The following USP30 variants were observed in gnomAD, a reference collection of about 807,000 sequenced individuals.
The protein encoded by USP30 is ubiquitin carboxyl-terminal hydrolase 30.
A neutral mutation model predicts 68.2 loss-of-function variants in USP30; 41 were observed. The ratio of observed to expected loss-of-function variants is 0.60; its 90% CI spans 0.47 to 0.78. USP30 has a LOEUF of 0.78. Among genes scored for constraint, USP30 ranks in the 30% least tolerant of loss-of-function variants. The pLI is 0.00. For missense variants in USP30, 522 were observed against 649.4 expected (o/e 0.80, Z 2.13); for synonymous variants, 229 against 253.7 (o/e 0.90, Z 0.93).
chr12:109,075,678 C>T (rs1252050046), intron 7 of USP30, among the ~76,000 whole-genome samples: 1 of 152,142 alleles, frequency 6.6e-6, no homozygotes, highest in Admixed American at 6.5e-5. Flanking sequence ...TAATAGCCAT[C>T]CTAACAGGTG....
intron 4 of USP30, among the ~76,000 whole-genome samples, chr12:109,069,853 A>G (rs951765515): frequency 6.6e-5 from 10 of 152,176 alleles, no homozygotes; most frequent in Non-Finnish European, 1.0e-4. Context: ...CCGGAAGTAT[A>G]AAAGAGAGTG....
At chr12:109,060,529 C>T (rs2041029314) in intron 3 of USP30, among the ~76,000 whole-genome samples, 1 of 151,956 alleles carries the variant, frequency 6.6e-6, no homozygotes, top group African/African-American at 2.4e-5. Context: ...TTAGCCCATT[C>T]CTGGTTTAGA....
At chr12:109,029,870 C>T (rs769560279) in intron 3 of USP30, among the ~76,000 whole-genome samples, 6 of 152,046 alleles carry the variant, frequency 3.9e-5, no homozygotes, top group South Asian at 4.1e-4. Flanking sequence ...GAGGGGCAAC[C>T]TTTGATTAAC....
chr12:109,041,839 T>G (rs2040567395), intron 3 of USP30, among the ~76,000 whole-genome samples: 4 of 152,090 alleles, frequency 2.6e-5, no homozygotes, highest in Admixed American at 2.6e-4. Context: ...GAAGTGGGGT[T>G]TTAGGATCCC....
chr12:109,053,852 C>G (rs1444178854), intron 1 of USP30: 4 of 346,494 alleles, frequency 1.2e-5, no homozygotes, highest in Non-Finnish European at 1.7e-5. Context: ...TCTCCCATCC[C>G]CTTGACACTC....
chr12:109,029,453 T>A (rs1422868191), intron 3 of USP30, among the ~76,000 whole-genome samples: 1 of 152,128 alleles, frequency 6.6e-6, no homozygotes, highest in Non-Finnish European at 1.5e-5. Flanking sequence ...TTTCCATACA[T>A]CTCTCTGACA....
At chr12:109,079,926 A>G (rs2041745394) in intron 7 of USP30, among the ~76,000 whole-genome samples, 1 of 152,200 alleles carries the variant, frequency 6.6e-6, no homozygotes, top group Non-Finnish European at 1.5e-5. Flanking sequence ...GCTTAACATC[A>G]TAATAGAGAC....
At chr12:109,073,647 C>A in intron 7 of USP30, 115 bp downstream of exon 7, 1 of 869,092 alleles carries the variant, frequency 1.2e-6, no homozygotes, top group East Asian at 2.6e-5. Context: ...GACTACCTGG[C>A]CTCTGCACAC....
At chr12:109,076,598 C>G in intron 7 of USP30, among the ~76,000 whole-genome samples, 1 of 151,984 alleles carries the variant, frequency 6.6e-6, no homozygotes, top group Non-Finnish European at 1.5e-5. Flanking sequence ...ACAAACTTCC[C>G]TTCTGTTCCT....
intron 7 of USP30, among the ~76,000 whole-genome samples, chr12:109,080,337 A>G (rs1162862551): frequency 6.6e-6 from 1 of 152,146 alleles, no homozygotes; most frequent in Non-Finnish European, 1.5e-5. Context: ...AAACACACAA[A>G]TCTCGCCCAC....
In USP30 at chr12:109,085,751, G is replaced by C; in HGVS notation, c.1374G>C (p.Arg458=). ...MHSGHFVTYR[R]SPPSARNPLS... ...CTGGACACTTTGTCACTTACCGACG[G>C]TCCCCACCTTCTGCCAGGAACCCTC... Residue 458 remains arginine (R), a synonymous_variant, in exon 13 of 13, where the codon CGG becomes CGC. Coordinates refer to ENST00000257548, the MANE Select transcript of USP30 (RefSeq NM_032663.5). 6.2e-7 allele frequency: 1 copy of C among 1,614,182 alleles called. No homozygotes were observed. The highest frequency in any genetic ancestry group is 8.5e-7 in the Non-Finnish European group (1 of 1,180,030).
intron 7 of USP30, among the ~76,000 whole-genome samples, chr12:109,074,759 C>T (rs1196514495): frequency 6.6e-6 from 1 of 152,164 alleles, no homozygotes; most frequent in African/African-American, 2.4e-5. Context: ...AGAACACTCT[C>T]TTAGTATATT....
intron 3 of USP30, 110 bp from the exon 4 acceptor site, chr12:109,067,414 G>T (rs1229613086): frequency 3.4e-5 from 33 of 959,716 alleles, no homozygotes; most frequent in Non-Finnish European, 5.1e-5. Context: ...ACCACACCCA[G>T]CCTGCGGTCT....
chr12:109,058,784 A>T (rs1379606055), intron 3 of USP30, among the ~76,000 whole-genome samples: 1 of 152,244 alleles, frequency 6.6e-6, no homozygotes, highest in Non-Finnish European at 1.5e-5. Context: ...TTGCTAACAA[A>T]CTCAAATGTT....
intron 7 of USP30, among the ~76,000 whole-genome samples, chr12:109,076,654 G>GT (rs1400917984): frequency 6.7e-6 from 1 of 149,938 alleles, no homozygotes; most frequent in East Asian, 2.0e-4. Flanking sequence ...GATTTTGTCA[G>GT]TTTTTTCTGC....
At chr12:109,081,436 C>T (rs1287976017) in intron 8 of USP30, 43 bp downstream of exon 8, 1 of 1,602,224 alleles carries the variant, frequency 6.2e-7, no homozygotes, top group African/African-American at 1.3e-5. Flanking sequence ...GTTTCAGAAA[C>T]ATTTCAATCT....
intron 5 of USP30, 124 bp from the exon 6 acceptor site, chr12:109,072,181 G>A (rs945417296): frequency 3.1e-5 from 25 of 808,876 alleles, no homozygotes; most frequent in Non-Finnish European, 4.9e-5. Flanking sequence ...CCTGAGCTTT[G>A]TTAAAAGTTG....
In USP30 at chr12:109,056,794, A is replaced by C. The variant is rs1160275355; in HGVS notation, c.193+3A>C. ...AGAAAGAAAGAAGCGTAGAAAAGGT[A>C]AGAATGAGAACACTGCATCATGGTC... On this transcript the variant is annotated splice_donor_region_variant and intron_variant, in intron 2 of 12. Coordinates refer to ENST00000257548, the MANE Select transcript of USP30 (RefSeq NM_032663.5). The C allele has an allele frequency of 6.2e-7, 1 of 1,601,122 alleles. No homozygotes were observed. The highest frequency in any genetic ancestry group is 8.5e-7 in the Non-Finnish European group (1 of 1,172,416).
At chr12:109,050,226 G>A (rs146394744), upstream of USP30, among the ~76,000 whole-genome samples, 4,199 of 152,168 alleles carry the variant, frequency 0.028, 172 homozygotes, top group African/African-American at 0.096. Context: ...CCCGGGAGGC[G>A]GAGCTTGCAG....
Sources: gnomAD v4.1 joint callset for allele counts (sites outside exome capture counted in the v4.1 genomes callset) on GRCh38, gnomAD v4.1.1 for gene constraint, MANE v1.5 for transcripts, NCBI Gene and HGNC (gene_info 2026-07-23, HGNC 2026-07-21) for gene names.